Variants in USH2A observed in about 807,000 individuals in gnomAD.
USH2A encodes the protein Usher syndrome 2A (autosomal recessive, mild).
USH2A carries 443 observed loss-of-function variants against 538.9 expected under a neutral mutation model. The ratio of observed to expected loss-of-function variants is 0.82; its 90% confidence interval spans 0.76 to 0.89. The LOEUF is 0.89. Among genes scored for constraint, USH2A ranks in the 40% least tolerant of loss-of-function variants. USH2A has a pLI of 0.00. For missense variants in USH2A, 6,633 were observed against 6,324.8 expected, an observed-to-expected ratio of 1.05 and a Z score of -1.65; for synonymous variants, 2,413 against 2,273.5, an observed-to-expected ratio of 1.06 and a Z score of -1.75.
At chr1:215,856,247 A>G (rs1664162878) in intron 44 of USH2A, among the ~76,000 whole-genome samples, 1 of 152,222 alleles carries the variant, frequency 6.6e-6, no homozygotes, top group African/African-American at 2.4e-5. Context: ...GAGTAAATAG[A>G]CAACCCACAG....
In USH2A at chr1:216,375,890, C is replaced by T. The variant is rs929991327; in HGVS notation, c.652-10805G>A. ...ATTTAATTTCAATATTGTTGTGTCTCAGGGAACAGGGAGGCCCAAGGAGAA... is the reference window on the plus strand; with the variant it reads ...ATTTAATTTCAATATTGTTGTGTCTTAGGGAACAGGGAGGCCCAAGGAGAA... On this transcript the variant is annotated intron_variant, in intron 3 of 71. Transcript: ENST00000307340. 4.6e-5 allele frequency among the ~76,000 whole-genome samples: 7 copies of T among 152,132 alleles called. No homozygotes were observed. The East Asian group carries it at 1.4e-3, about 30-fold the overall frequency.
At chr1:215,804,835 G>A (rs1171089300) in intron 49 of USH2A, among the ~76,000 whole-genome samples, 2 of 152,106 alleles carry the variant, frequency 1.3e-5, no homozygotes, top group Non-Finnish European at 2.9e-5. Flanking sequence ...ACATGCACAC[G>A]TATGTTTATT....
At chr1:216,277,118 T>C (rs571013069) in intron 11 of USH2A, among the ~76,000 whole-genome samples, 1 of 152,310 alleles carries the variant, frequency 6.6e-6, no homozygotes, top group Non-Finnish European at 1.5e-5. Flanking sequence ...CTATGGTGTC[T>C]GTTCTTGCTA....
chr1:216,300,514 T>C (rs957298472), intron 9 of USH2A, among the ~76,000 whole-genome samples: 1 of 152,180 alleles, frequency 6.6e-6, no homozygotes, highest in Non-Finnish European at 1.5e-5. Flanking sequence ...CTTTGACATG[T>C]TCAGGTATGA....
rs1467556667 is a variant in USH2A, at chr1:216,073,305, C to CA, written c.5573-6dup. The stretch of plus-strand genomic sequence containing the variant: ...CCTTCATGCAACCACCGAAACCTAG[C>CA]AAATAGTAAGGGATTAGTATCGCAT... On this transcript the variant is annotated splice_polypyrimidine_tract_variant and splice_region_variant and intron_variant, in intron 27 of 71. Transcript: ENST00000307340. 1.2e-5 allele frequency: 19 copies of CA among 1,606,590 alleles called. No homozygotes were observed. The highest frequency in any genetic ancestry group is 1.6e-5 in the Non-Finnish European group (19 of 1,178,376).
Position 216,153,114 on chromosome 1 carries a change from C to A in USH2A, c.4627+22138G>T, listed in dbSNP as rs1490479729. Among the ~76,000 whole-genome samples, 4 of 152,278 alleles carry A rather than the reference C, an allele frequency of 2.6e-5. 1 individual carries two copies. In the South Asian group the frequency reaches 6.2e-4, roughly 24 times the overall value. ...TTCCCATCCATTCCACTGAGAGCCACCTCCATCCAGCAATAAAATCCCCCA... is the reference window on the plus strand; with the variant it reads ...TTCCCATCCATTCCACTGAGAGCCAACTCCATCCAGCAATAAAATCCCCCA... On this transcript the variant is annotated intron_variant, in intron 21 of 71. Coordinates refer to ENST00000307340, the MANE Select transcript of USH2A (RefSeq NM_206933.4).
At chr1:216,364,703 G>A (rs564081297) in intron 4 of USH2A, among the ~76,000 whole-genome samples, 41 of 152,204 alleles carry the variant, frequency 2.7e-4, no homozygotes, top group African/African-American at 8.7e-4. Context: ...GAGAGACATG[G>A]AATAGATTTG....
intron 21 of USH2A, among the ~76,000 whole-genome samples, chr1:216,129,011 C>T (rs1354513786): frequency 2.0e-5 from 3 of 152,014 alleles, no homozygotes; most frequent in Admixed American, 6.6e-5. Context: ...CAATATGTGT[C>T]TTTCTGTGCC....
Position 216,307,465 on chromosome 1 carries a change from C to T in USH2A, c.1644+14418G>A, listed in dbSNP as rs146790875. ...ATTTCCAGGCAATGGGTGAACAGGG[C>T]TGAGGACTTGCCCCTGCTCCAGGTC... On this transcript the variant is annotated intron_variant, in intron 9 of 71. Coordinates refer to ENST00000307340, the MANE Select transcript of USH2A (RefSeq NM_206933.4). Among the ~76,000 whole-genome samples the T allele has an allele frequency of 2.2e-4, 34 of 152,282 alleles. No individual in the cohort carries two copies. In the East Asian group the frequency reaches 3.9e-3, roughly 17 times the overall value.
intron 58 of USH2A, among the ~76,000 whole-genome samples, chr1:215,744,751 G>A (rs1660415267): frequency 6.6e-6 from 1 of 152,188 alleles, no homozygotes; most frequent in Admixed American, 6.5e-5. Context: ...GGTGTCTGAA[G>A]GAGATATTGA....
At chr1:215,752,892 A>T (rs187505039) in intron 58 of USH2A, among the ~76,000 whole-genome samples, 45 of 152,318 alleles carry the variant, frequency 3.0e-4, no homozygotes, top group African/African-American at 9.6e-4. Context: ...AATGGAAGAA[A>T]ATTTTTGCAT....
At chr1:215,856,562 A>G (rs1253151235) in intron 44 of USH2A, among the ~76,000 whole-genome samples, 1 of 152,210 alleles carries the variant, frequency 6.6e-6, no homozygotes, top group East Asian at 1.9e-4. Flanking sequence ...ACCTTGGCAT[A>G]GATGTGATAC....
chr1:215,812,364 A>G (rs977878915), intron 49 of USH2A, among the ~76,000 whole-genome samples: 1 of 152,020 alleles, frequency 6.6e-6, no homozygotes, highest in African/African-American at 2.4e-5. Flanking sequence ...TGCATTTATT[A>G]AGCTCTTTCT....
intron 11 of USH2A, among the ~76,000 whole-genome samples, chr1:216,282,155 T>A (rs144310457): frequency 6.6e-6 from 1 of 152,180 alleles, no homozygotes; most frequent in Non-Finnish European, 1.5e-5. Flanking sequence ...ACAGATTTAT[T>A]ATATACTTTG....
chr1:216,056,147 A>C (rs2030967982), intron 30 of USH2A, among the ~76,000 whole-genome samples: 1 of 152,186 alleles, frequency 6.6e-6, no homozygotes, highest in Non-Finnish European at 1.5e-5. Context: ...CCTTTGTGGT[A>C]AGAACTACAG....
At chr1:215,782,404 G>A (rs1424052483) in intron 53 of USH2A, among the ~76,000 whole-genome samples, 2 of 151,984 alleles carry the variant, frequency 1.3e-5, no homozygotes, top group African/African-American at 2.4e-5. Context: ...AGTCATTTAT[G>A]TTTATTTCCT....
intron 61 of USH2A, among the ~76,000 whole-genome samples, chr1:215,722,090 A>G (rs1659680946): frequency 7.0e-6 from 1 of 143,248 alleles, no homozygotes; most frequent in Non-Finnish European, 1.5e-5. Flanking sequence ...AAAAAGGGTT[A>G]GGCCGACAAA....
intron 15 of USH2A, among the ~76,000 whole-genome samples, chr1:216,211,546 C>T (rs1238218240): frequency 6.6e-6 from 1 of 152,164 alleles, no homozygotes; most frequent in Non-Finnish European, 1.5e-5. Context: ...TTCCTAAAGA[C>T]AAAGTCTGAT....
At chr1:215,794,734 C>T (rs1434036261) in intron 50 of USH2A, among the ~76,000 whole-genome samples, 2 of 152,126 alleles carry the variant, frequency 1.3e-5, no homozygotes, top group East Asian at 1.9e-4. Context: ...TCTTGATTCG[C>T]AAGAGTTGAG....
Sources: gnomAD v4.1 joint callset for allele counts (sites outside exome capture counted in the v4.1 genomes callset) on GRCh38, gnomAD v4.1.1 for gene constraint, MANE v1.5 for transcripts, NCBI Gene and HGNC (gene_info 2026-07-23, HGNC 2026-07-21) for gene names.